Variants in EPHA6 observed in about 807,000 individuals in gnomAD.
EPHA6 encodes the protein EPH receptor A6.
In EPHA6, 50 loss-of-function variants were observed where a neutral mutation model predicts 112.0. The observed-to-expected ratio is 0.45, with a 90% CI of 0.36 to 0.56. The LOEUF (loss-of-function observed/expected upper bound fraction) is 0.56. Among genes scored for constraint, EPHA6 ranks in the 20% least tolerant of loss-of-function variants. The pLI is 0.00. For synonymous variants in EPHA6, 529 were observed against 490.7 expected (o/e 1.08, Z -1.03); for missense variants, 1,280 against 1,417.4 (o/e 0.90, Z 1.56).
intron 2 of EPHA6, among the ~76,000 whole-genome samples, chr3:96,982,753 A>G (rs185032880): frequency 1.3e-5 from 2 of 152,308 alleles, no homozygotes; most frequent in South Asian, 2.1e-4. Context: ...TTGAATGCAT[A>G]TATATTTAAG....
At chr3:97,383,355 A>G (rs757887123) in intron 5 of EPHA6, among the ~76,000 whole-genome samples, 1 of 152,106 alleles carries the variant, frequency 6.6e-6, no homozygotes, top group Non-Finnish European at 1.5e-5. Context: ...GAAGGGCATT[A>G]CCCATATTTG....
intron 5 of EPHA6, among the ~76,000 whole-genome samples, chr3:97,399,293 G>T (rs879312541): frequency 2.0e-5 from 3 of 151,492 alleles, no homozygotes; most frequent in Non-Finnish European, 4.4e-5. Flanking sequence ...TTTAACAGTG[G>T]AATAGTATTC....
chr3:97,114,138 C>G (rs2047811270), intron 3 of EPHA6, among the ~76,000 whole-genome samples: 2 of 152,028 alleles, frequency 1.3e-5, no homozygotes, highest in African/African-American at 4.8e-5. Flanking sequence ...CAGAGGAGCC[C>G]CTTGGTGAAC....
At chr3:97,274,168 TG>T (rs1268172158) in intron 5 of EPHA6, among the ~76,000 whole-genome samples, 1 of 152,178 alleles carries the variant, frequency 6.6e-6, no homozygotes, top group Non-Finnish European at 1.5e-5. Flanking sequence ...CCTGTGAGGC[TG>T]GAAGGAGATA....
chr3:97,399,099 A>G (rs2109097423), intron 5 of EPHA6, among the ~76,000 whole-genome samples: 1 of 151,552 alleles, frequency 6.6e-6, no homozygotes, highest in East Asian at 1.9e-4. Context: ...TTCTTTAGCC[A>G]CTTCCCTCCC....
chr3:97,593,983 T>C (rs2093566252), intron 12 of EPHA6, among the ~76,000 whole-genome samples: 1 of 152,196 alleles, frequency 6.6e-6, no homozygotes. Flanking sequence ...TTGTTGATGA[T>C]GTTGTTGCAA....
intron 15 of EPHA6, among the ~76,000 whole-genome samples, chr3:97,726,748 C>A (rs1031207406): frequency 6.6e-6 from 1 of 152,020 alleles, no homozygotes; most frequent in Non-Finnish European, 1.5e-5. Context: ...AATGCTGGAA[C>A]TACACATGCT....
chr3:97,638,329 C>T (rs2093968966), intron 14 of EPHA6, among the ~76,000 whole-genome samples: 1 of 152,144 alleles, frequency 6.6e-6, no homozygotes, highest in South Asian at 2.1e-4. Context: ...ACTTTAACAT[C>T]ATGCTTAACG....
intron 5 of EPHA6, among the ~76,000 whole-genome samples, chr3:97,340,839 C>T (rs2083268802): frequency 6.6e-6 from 1 of 152,174 alleles, no homozygotes. Flanking sequence ...TGGGGCCCTA[C>T]CCCTATGACC....
At chr3:97,080,783 A>G (rs926646732) in intron 3 of EPHA6, among the ~76,000 whole-genome samples, 2 of 152,062 alleles carry the variant, frequency 1.3e-5, no homozygotes, top group Admixed American at 6.6e-5. Flanking sequence ...TAAAGATAAC[A>G]TACATATTGA....
At chr3:97,175,200 T>A (rs2108437330) in intron 3 of EPHA6, among the ~76,000 whole-genome samples, 1 of 152,106 alleles carries the variant, frequency 6.6e-6, no homozygotes, top group South Asian at 2.1e-4. Context: ...AAAAATGAGT[T>A]AACTGTAGGT....
At chr3:96,901,470 G>T (rs987574481) in intron 2 of EPHA6, among the ~76,000 whole-genome samples, 2 of 150,564 alleles carry the variant, frequency 1.3e-5, no homozygotes, top group East Asian at 3.9e-4. Flanking sequence ...GAAAATCTGG[G>T]AAAAGATTTT....
intron 1 of EPHA6, among the ~76,000 whole-genome samples, chr3:96,840,775 T>A (rs1315092424): frequency 6.6e-6 from 1 of 152,102 alleles, no homozygotes; most frequent in Non-Finnish European, 1.5e-5. Context: ...GTTGAGTCAT[T>A]ACAGTGACTG....
intron 1 of EPHA6, among the ~76,000 whole-genome samples, chr3:96,840,898 C>T (rs1373291250): frequency 6.6e-6 from 1 of 151,984 alleles, no homozygotes; most frequent in Non-Finnish European, 1.5e-5. Flanking sequence ...TCAAGGGAAC[C>T]TACCAGAGCT....
intron 6 of EPHA6, among the ~76,000 whole-genome samples, chr3:97,408,654 G>A (rs957939595): frequency 1.3e-5 from 2 of 151,976 alleles, no homozygotes; most frequent in African/African-American, 4.8e-5. Context: ...CAGGTTCATA[G>A]ACAGTGGTTT....
chr3:97,250,692 A>G (rs2079110640), intron 5 of EPHA6, among the ~76,000 whole-genome samples: 2 of 152,176 alleles, frequency 1.3e-5, no homozygotes, highest in African/African-American at 4.8e-5. Context: ...GGTTAGGCAA[A>G]TGTCTAACAA....
rs570654685 is a variant in EPHA6 at position 96,860,140 on chromosome 3, G to A, written c.386-6685G>A. On this transcript the variant is annotated intron_variant, in intron 1 of 17. Transcript: ENST00000389672. ...TTGTTGAAATAACATCAAAATGTAT[G>A]ATGTAAAATCAGGTAACATTTCTTG... 1.0e-3 allele frequency among the ~76,000 whole-genome samples: 155 copies of A among 152,206 alleles called. 1 individual carries two copies. The highest frequency in any genetic ancestry group is 3.5e-3 in the African/African-American group (146 of 41,556).
In EPHA6 at chr3:97,371,553, G is replaced by A. The variant is rs567767027; in HGVS notation, c.1607-33597G>A. 5.3e-5 allele frequency among the ~76,000 whole-genome samples: 8 copies of A among 152,072 alleles called. No homozygotes were observed. In the South Asian group the frequency reaches 6.2e-4, roughly 12 times the overall value. On this transcript the variant is annotated intron_variant, in intron 5 of 17. Transcript: ENST00000389672. ...TCTTCATAAGCTCAGGAAGAATGTC[G>A]CCTCAGGACGCTGTGATGATTGCGT...
At chr3:97,189,450 G>T (rs530981263) in intron 3 of EPHA6, among the ~76,000 whole-genome samples, 11 of 152,076 alleles carry the variant, frequency 7.2e-5, no homozygotes, top group African/African-American at 2.6e-4. Flanking sequence ...TTAAAAACAA[G>T]CCTACTGTAT....
Sources: gnomAD v4.1 joint callset for allele counts (sites outside exome capture counted in the v4.1 genomes callset) on GRCh38, gnomAD v4.1.1 for gene constraint, MANE v1.5 for transcripts, NCBI Gene and HGNC (gene_info 2026-07-23, HGNC 2026-07-21) for gene names.